The following UQCRB variants were observed in gnomAD, a reference collection of about 807,000 sequenced individuals.
UQCRB encodes ubiquinol-cytochrome c reductase binding protein, also known as cytochrome b-c1 complex subunit 7.
Under a neutral mutation model 19.8 loss-of-function variants are expected in UQCRB, and 12 were observed. The observed-to-expected ratio is 0.61, with a 90% CI of 0.39 to 0.98. The LOEUF (loss-of-function observed/expected upper bound fraction) is 0.98. UQCRB is among the 50% of genes least tolerant of loss of function. The pLI is 0.00. For missense variants in UQCRB, 142 were observed against 131.8 expected (o/e 1.08, Z -0.38); for synonymous variants, 39 against 42.9 (o/e 0.91, Z 0.35).
chr8:96,230,833 C>A lies in UQCRB; in HGVS notation c.*222G>T, dbSNP rs1809652472. ...AAAGTGGCTTCTGAGCTCCAAGTAG[C>A]AGTTAAACACAACTAAATATATCTT... On this transcript the variant is annotated 3_prime_UTR_variant, in exon 4 of 4. Coordinates refer to ENST00000287022, the MANE Select transcript of UQCRB (RefSeq NM_006294.5). 1.5e-6 allele frequency: 1 copy of A among 673,830 alleles called. No individual in the cohort carries two copies. Among genetic ancestry groups the A allele is most frequent in the Non-Finnish European group, 2.8e-6 (1 of 362,490 alleles). 41.7% of individuals were successfully genotyped at this position (673,830 alleles called of 1,614,324 possible).
At position 96,228,033 on chromosome 8, in the gene UQCRB, C is replaced by G. The variant is rs1374650321; in HGVS notation, c.*3022G>C. On this transcript the variant is annotated 3_prime_UTR_variant, in exon 4 of 4. Coordinates refer to ENST00000287022, the MANE Select transcript of UQCRB (RefSeq NM_006294.5). ...AGGACCACAGCTGGCAATTGGGGGT[C>G]TGAAGGCCCGACATCCCTTACGCTG... The G allele has an allele frequency of 2.2e-6, 1 of 454,000 alleles. No individual in the cohort carries two copies. The highest frequency in any genetic ancestry group is 4.4e-6 in the Non-Finnish European group (1 of 226,818). The allele number at this position is 454,000 out of a possible 1,614,324, so 28.1% of individuals were successfully genotyped here.
rs960112032 is a variant in UQCRB at position 96,226,684 on chromosome 8, C to A, written c.*4371G>T. 1.2e-5 allele frequency: 4 copies of A among 335,236 alleles called. No individual in the cohort carries two copies. Among genetic ancestry groups the A allele is most frequent in the African/African-American group, 6.5e-5 (3 of 46,014 alleles). 20.8% of individuals were successfully genotyped at this position (335,236 alleles called of 1,614,324 possible). On this transcript the variant is annotated 3_prime_UTR_variant, in exon 4 of 4. Coordinates refer to ENST00000287022, the MANE Select transcript of UQCRB (RefSeq NM_006294.5). ...ACAATTATTCAACTGGATAATGTTACCAGAAGTTTTCAGGGGTTTATTTTA... is the reference window on the plus strand; with the variant it reads ...ACAATTATTCAACTGGATAATGTTAACAGAAGTTTTCAGGGGTTTATTTTA...
rs748343780 is a variant in UQCRB at position 96,231,182 on chromosome 8, CCAAA to C, written c.259-54_259-51del. 997 of 1,613,956 alleles carry C rather than the reference CCAAA, an allele frequency of 6.2e-4. 1 individual carries two copies. The highest frequency in any genetic ancestry group is 8.1e-4 in the Non-Finnish European group (958 of 1,179,964). ...TGTTACCATCACGTACTGATATATC[CCAAA>C]CACTCAACAGGTCTTCAATAACAAG... On this transcript the variant is annotated intron_variant, in intron 3 of 3. Transcript: ENST00000287022.
In UQCRB at chr8:96,227,285, C is replaced by T; in HGVS notation, c.*3770G>A. Reference sequence around the variant, plus strand: ...CTTAGTAGTAAATTCTCCTGATGGCCATAAACCTCTAAGGTGTTGTCATCC... The same window carrying T: ...CTTAGTAGTAAATTCTCCTGATGGCTATAAACCTCTAAGGTGTTGTCATCC... On this transcript the variant is annotated 3_prime_UTR_variant, in exon 4 of 4. Transcript: ENST00000287022. 2.2e-6 allele frequency: 1 copy of T among 454,012 alleles called. No homozygotes were observed. Among genetic ancestry groups the T allele is most frequent in the Non-Finnish European group, 4.4e-6 (1 of 226,770 alleles). The allele number at this position is 454,012 out of a possible 1,614,324, so 28.1% of individuals were successfully genotyped here.
Position 96,227,725 on chromosome 8 carries a change from GC to G in UQCRB, c.*3329del, listed in dbSNP as rs1809557326. 4 of 453,550 alleles carry G rather than the reference GC, an allele frequency of 8.8e-6. No individual in the cohort carries two copies. The highest frequency in any genetic ancestry group is 1.8e-5 in the Non-Finnish European group (4 of 226,592). 28.1% of individuals were successfully genotyped at this position (453,550 alleles called of 1,614,324 possible). ...TGAAGGATTATTACTTTGGGCTTTGGCCCAGTTTTTATTCTTACTGCTGAAT... is the reference window on the plus strand; with the variant it reads ...TGAAGGATTATTACTTTGGGCTTTGGCCAGTTTTTATTCTTACTGCTGAAT... On this transcript the variant is annotated 3_prime_UTR_variant, in exon 4 of 4. Coordinates refer to ENST00000287022, the MANE Select transcript of UQCRB (RefSeq NM_006294.5).
At position 96,223,390 on chromosome 8, in the gene UQCRB, C is replaced by T. The variant is rs192188643; in HGVS notation, c.*7665G>A. Among the ~76,000 whole-genome samples, 2 of 152,296 alleles carry T rather than the reference C, an allele frequency of 1.3e-5. No individual in the cohort carries two copies. Among genetic ancestry groups the T allele is most frequent in the East Asian group, 1.9e-4 (1 of 5,186 alleles). On this transcript the variant is annotated 3_prime_UTR_variant, in exon 4 of 4. Transcript: ENST00000287022. The stretch of plus-strand genomic sequence containing the variant: ...GTGTGATCTTGTACCCGTTACCTAA[C>T]ATGTCTGAGCCTCTATGAAAAGAGG...
At chr8:96,233,697 GAA>G (rs1213024069) in intron 1 of UQCRB, 2 of 156,206 alleles carry the variant, frequency 1.3e-5, no homozygotes, top group African/African-American at 4.8e-5. Flanking sequence ...GAGTTGTAGG[GAA>G]AAGACAGTGA....
Position 96,224,337 on chromosome 8 carries a change from G to C in UQCRB, c.*6718C>G, listed in dbSNP as rs1475549641. Among the ~76,000 whole-genome samples, 1 of 152,142 alleles carries C rather than the reference G, an allele frequency of 6.6e-6. No individual in the cohort carries two copies. The highest frequency in any genetic ancestry group is 1.5e-5 in the Non-Finnish European group (1 of 68,024). On this transcript the variant is annotated 3_prime_UTR_variant, in exon 4 of 4. Coordinates refer to ENST00000287022, the MANE Select transcript of UQCRB (RefSeq NM_006294.5). ...GCTTTCTTCAGAGGAACGTGGGCTG[G>C]GGAATAAATATCTCTGTCTCTCTCA...
intron 1 of UQCRB, chr8:96,234,477 A>C: frequency 7.8e-7 from 1 of 1,288,482 alleles, no homozygotes; most frequent in Non-Finnish European, 1.0e-6. Flanking sequence ...GATCTGGTCT[A>C]TGTAGTTCCC....
Position 96,230,369 on chromosome 8 carries a change from G to A in UQCRB, c.*686C>T, listed in dbSNP as rs1163524488. The A allele has an allele frequency of 9.1e-6, 4 of 437,430 alleles. No individual in the cohort carries two copies. Among genetic ancestry groups the A allele is most frequent in the Admixed American group, 7.5e-5 (3 of 40,102 alleles). The allele number at this position is 437,430 out of a possible 1,614,324, so 27.1% of individuals were successfully genotyped here. A position where few individuals can be genotyped will look rare whatever the true frequency, so the allele number is the denominator to read the frequency against. ...TGGGATTACAGGCATGAGCCACCATGCCTTGCCAATGATTCTAATTTATAT... is the reference window on the plus strand; with the variant it reads ...TGGGATTACAGGCATGAGCCACCATACCTTGCCAATGATTCTAATTTATAT... On this transcript the variant is annotated 3_prime_UTR_variant, in exon 4 of 4. Transcript: ENST00000287022.
At position 96,223,191 on chromosome 8, in the gene UQCRB, A is replaced by G. The variant is rs1284996758; in HGVS notation, c.*7864T>C. Among the ~76,000 whole-genome samples the G allele has an allele frequency of 6.6e-6, 1 of 152,210 alleles. No individual in the cohort carries two copies. ...GATTTTAGGTGCTCACCAGACACAC[A>G]TACACAAAGTACTATCGTGGTAATG... On this transcript the variant is annotated 3_prime_UTR_variant, in exon 4 of 4. Coordinates refer to ENST00000287022, the MANE Select transcript of UQCRB (RefSeq NM_006294.5).
intron 3 of UQCRB, chr8:96,231,568 G>A (rs1490286212): frequency 1.5e-6 from 2 of 1,378,606 alleles, no homozygotes; most frequent in Admixed American, 2.0e-5. Context: ...TTAGAGACTT[G>A]CTTAGTAATT....
rs1413650545 is a variant in UQCRB, at chr8:96,228,249, A to G, written c.*2806T>C. ...ACTGTATATTCAAAACCAATCTCAA[A>G]CTTTAAACAACAAAAGATATCAAAC... On this transcript the variant is annotated 3_prime_UTR_variant, in exon 4 of 4. Coordinates refer to ENST00000287022, the MANE Select transcript of UQCRB (RefSeq NM_006294.5). 2.2e-6 allele frequency: 1 copy of G among 453,962 alleles called. No homozygotes were observed. Among genetic ancestry groups the G allele is most frequent in the Non-Finnish European group, 4.4e-6 (1 of 226,768 alleles). 28.1% of individuals were successfully genotyped at this position (453,962 alleles called of 1,614,324 possible).
Position 96,223,744 on chromosome 8 carries a change from G to A in UQCRB, c.*7311C>T, listed in dbSNP as rs142865723. ...AATTTTGCAGAATGTGTTTGGGGAA[G>A]AGGGAGTTAAAACAGGAGGAAAGAG... On this transcript the variant is annotated 3_prime_UTR_variant, in exon 4 of 4. Transcript: ENST00000287022. Among the ~76,000 whole-genome samples the A allele has an allele frequency of 2.0e-3, 300 of 152,332 alleles. 3 individuals carry two copies. Among genetic ancestry groups the A allele is most frequent in the African/African-American group, 7.0e-3 (292 of 41,578 alleles).
Position 96,227,506 on chromosome 8 carries a change from T to C in UQCRB, c.*3549A>G. 2.2e-6 allele frequency: 1 copy of C among 454,136 alleles called. No individual in the cohort carries two copies. Among genetic ancestry groups the C allele is most frequent in the Non-Finnish European group, 4.4e-6 (1 of 226,788 alleles). The allele number at this position is 454,136 out of a possible 1,614,324, so 28.1% of individuals were successfully genotyped here. On this transcript the variant is annotated 3_prime_UTR_variant, in exon 4 of 4. Coordinates refer to ENST00000287022, the MANE Select transcript of UQCRB (RefSeq NM_006294.5). ...GTCTTACTCACTTTCTAACCATCCC[T>C]CTCTGATACTGTCCCTCCTAAAATC...
intron 2 of UQCRB, chr8:96,232,178 C>G: frequency 1.9e-6 from 1 of 519,352 alleles, no homozygotes; most frequent in Admixed American, 3.3e-5. Context: ...ACTTCTTGAA[C>G]TAGACTATGG....
chr8:96,227,375 T>C lies in UQCRB; in HGVS notation c.*3680A>G, dbSNP rs1321740095. 2.2e-6 allele frequency: 1 copy of C among 454,018 alleles called. No homozygotes were observed. Among genetic ancestry groups the C allele is most frequent in the Non-Finnish European group, 4.4e-6 (1 of 226,800 alleles). The allele number at this position is 454,018 out of a possible 1,614,324, so 28.1% of individuals were successfully genotyped here. A position where few individuals can be genotyped will look rare whatever the true frequency, so the allele number is the denominator to read the frequency against. Reference sequence around the variant, plus strand: ...ATGGAGAAATCTTCCATAGTGCTCGTGTGATGTACACTAAGTTGTAAAGTT... The same window carrying C: ...ATGGAGAAATCTTCCATAGTGCTCGCGTGATGTACACTAAGTTGTAAAGTT... On this transcript the variant is annotated 3_prime_UTR_variant, in exon 4 of 4. Coordinates refer to ENST00000287022, the MANE Select transcript of UQCRB (RefSeq NM_006294.5).
Position 96,224,286 on chromosome 8 carries a change from A to G in UQCRB, c.*6769T>C, listed in dbSNP as rs1269875116. 6.6e-6 allele frequency among the ~76,000 whole-genome samples: 1 copy of G among 152,168 alleles called. No homozygotes were observed. Among genetic ancestry groups the G allele is most frequent in the African/African-American group, 2.4e-5 (1 of 41,450 alleles). ...GGAAGGGAGAGCTGTAGGAATCTTG[A>G]GAGGGGCTGCCTGACAGGAGCTGTA... is the stretch of plus-strand genomic sequence containing the variant. On this transcript the variant is annotated 3_prime_UTR_variant, in exon 4 of 4. Coordinates refer to ENST00000287022, the MANE Select transcript of UQCRB (RefSeq NM_006294.5).
rs1809517824 is a variant in UQCRB, at chr8:96,225,971, G to A, written c.*5084C>T. ...CCAGACAATGTCTCAAAACATTTTT[G>A]GTTGTTACAGTTGGAGGCAGGAGGC... is the stretch of plus-strand genomic sequence containing the variant. On this transcript the variant is annotated 3_prime_UTR_variant, in exon 4 of 4. Transcript: ENST00000287022. 6.6e-6 allele frequency: 1 copy of A among 152,032 alleles called. No homozygotes were observed. Among genetic ancestry groups the A allele is most frequent in the African/African-American group, 2.4e-5 (1 of 41,382 alleles). The allele number at this position is 152,032 out of a possible 1,614,324, so 9.4% of individuals were successfully genotyped here.
Sources: gnomAD v4.1 joint callset for allele counts (sites outside exome capture counted in the v4.1 genomes callset) on GRCh38, gnomAD v4.1.1 for gene constraint, MANE v1.5 for transcripts, NCBI Gene and HGNC (gene_info 2026-07-23, HGNC 2026-07-21) for gene names.